ELMO1: variants seen among roughly 807,000 people sequenced by gnomAD.
ELMO1 encodes engulfment and cell motility protein 1.
Under a neutral mutation model 98.9 loss-of-function variants are expected in ELMO1, and 26 were observed. That is an observed-to-expected ratio of 0.26 (90% confidence interval 0.19 to 0.36). The LOEUF is 0.36. ELMO1 is among the 10% of genes least tolerant of loss of function. ELMO1 has a pLI of 1.00. For missense variants in ELMO1, 627 were observed against 935.2 expected, an observed-to-expected ratio of 0.67 and a Z score of 4.30; for synonymous variants, 346 against 346.0, an observed-to-expected ratio of 1.00 and a Z score of 0.00.
intron 1 of ELMO1, among the ~76,000 whole-genome samples, chr7:37,441,949 A>G (rs991009558): frequency 6.6e-6 from 1 of 152,316 alleles, no homozygotes; most frequent in Non-Finnish European, 1.5e-5. Context: ...TAAGGAGAAA[A>G]CTGGGGCACT....
intron 1 of ELMO1, among the ~76,000 whole-genome samples, chr7:37,387,568 G>A (rs1802860451): frequency 6.6e-6 from 1 of 152,114 alleles, no homozygotes; most frequent in South Asian, 2.1e-4. Flanking sequence ...CATTCTAAGG[G>A]CCTGGGGGGT....
chr7:37,424,567 G>T (rs1183816994), intron 1 of ELMO1, among the ~76,000 whole-genome samples: 1 of 152,166 alleles, frequency 6.6e-6, no homozygotes, highest in Non-Finnish European at 1.5e-5. Context: ...AGGCCTTAGA[G>T]ATTCTGGCAC....
chr7:36,961,947 A>T (rs1788987893), intron 16 of ELMO1, among the ~76,000 whole-genome samples: 1 of 152,264 alleles, frequency 6.6e-6, no homozygotes, highest in Non-Finnish European at 1.5e-5. Flanking sequence ...ACTCAGCAAG[A>T]AAAGCCTTCA....
At chr7:37,290,364 C>T (rs1266967227) in intron 4 of ELMO1, among the ~76,000 whole-genome samples, 3 of 152,126 alleles carry the variant, frequency 2.0e-5, no homozygotes, top group African/African-American at 7.2e-5. Context: ...CCAGGGTGTA[C>T]ACTAGTCATA....
chr7:36,924,761 G>T (rs11976151), intron 16 of ELMO1, among the ~76,000 whole-genome samples: 1 of 152,074 alleles, frequency 6.6e-6, no homozygotes, highest in Admixed American at 6.5e-5. Flanking sequence ...CCCCCATGGT[G>T]GGGGGTGGCA....
rs368334745 is a variant in ELMO1 at position 36,933,247 on chromosome 7, T to C, written c.1438-38230A>G. ...CTTGCTTAGATAGGACTCTTCACAATGTAGCTAAAACAATACAGGAACAGA... is the reference window on the plus strand; with the variant it reads ...CTTGCTTAGATAGGACTCTTCACAACGTAGCTAAAACAATACAGGAACAGA... On this transcript the variant is annotated intron_variant, in intron 16 of 21. Coordinates refer to ENST00000310758, the MANE Select transcript of ELMO1 (RefSeq NM_014800.11). 5.6e-4 allele frequency among the ~76,000 whole-genome samples: 85 copies of C among 152,282 alleles called. No homozygotes were observed. In the South Asian group the frequency reaches 0.017, roughly 30 times the overall value.
At chr7:36,885,792 C>A (rs1026367531) in intron 18 of ELMO1, among the ~76,000 whole-genome samples, 1 of 152,298 alleles carries the variant, frequency 6.6e-6, no homozygotes, top group Non-Finnish European at 1.5e-5. Flanking sequence ...ATTTAAAGAA[C>A]TGAGAAGCCT....
At chr7:36,915,566 G>C (rs893487723) in intron 16 of ELMO1, among the ~76,000 whole-genome samples, 25 of 152,192 alleles carry the variant, frequency 1.6e-4, no homozygotes, top group African/African-American at 4.8e-4. Flanking sequence ...TTGAAGTACA[G>C]AAAGAATTCA....
intron 15 of ELMO1, among the ~76,000 whole-genome samples, chr7:37,025,936 T>TCTATCTATCTATCTATCTA (rs1554395451): frequency 1.3e-4 from 19 of 148,284 alleles, no homozygotes; most frequent in African/African-American, 4.5e-4. Context: ...TATCTATCTA[T>TCTATCTATCTATCTATCTA]TTTTTTCTAT....
At chr7:37,339,270 C>G (rs1483223824) in intron 2 of ELMO1, among the ~76,000 whole-genome samples, 2 of 152,198 alleles carry the variant, frequency 1.3e-5, no homozygotes, top group African/African-American at 4.8e-5. Flanking sequence ...GCATTTTGCA[C>G]AAGCTGGTAT....
chr7:37,210,271 T>A (rs1792879418), intron 13 of ELMO1, among the ~76,000 whole-genome samples: 1 of 152,138 alleles, frequency 6.6e-6, no homozygotes, highest in Non-Finnish European at 1.5e-5. Context: ...AATTATAGAC[T>A]TATGGTAATT....
intron 11 of ELMO1, 131 bp from the exon 12 acceptor site, chr7:37,213,588 A>G (rs959635138): frequency 2.0e-5 from 15 of 767,588 alleles, no homozygotes; most frequent in Non-Finnish European, 2.9e-5. Flanking sequence ...GTGAGGGCAC[A>G]GGGAATTTCA....
intron 10 of ELMO1, among the ~76,000 whole-genome samples, chr7:37,221,059 C>T (rs557634915): frequency 2.6e-5 from 4 of 152,240 alleles, no homozygotes; most frequent in East Asian, 3.9e-4. Flanking sequence ...GCAGCCCTAT[C>T]GATGATTTCA....
chr7:36,894,227 G>A (rs1172714197), intron 17 of ELMO1, among the ~76,000 whole-genome samples: 6 of 152,192 alleles, frequency 3.9e-5, no homozygotes, highest in South Asian at 2.1e-4. Context: ...TCAAAGATTG[G>A]AATACATGAC....
rs931647399 is a variant in ELMO1 at position 37,257,036 on chromosome 7, C to A, written c.413+2145G>T. 3.9e-5 allele frequency among the ~76,000 whole-genome samples: 6 copies of A among 152,220 alleles called. No homozygotes were observed. The East Asian group carries it at 5.8e-4, about 15-fold the overall frequency. On this transcript the variant is annotated intron_variant, in intron 6 of 21. Coordinates refer to ENST00000310758, the MANE Select transcript of ELMO1 (RefSeq NM_014800.11). ...AATTTCACATGCTTTAAATTGTATG[C>A]TCTACTAGTCTCTGCCAATAGCACC... is the stretch of plus-strand genomic sequence containing the variant.
At chr7:37,432,769 T>C (rs1481605118) in intron 1 of ELMO1, among the ~76,000 whole-genome samples, 1 of 152,166 alleles carries the variant, frequency 6.6e-6, no homozygotes, top group Non-Finnish European at 1.5e-5. Context: ...AAACAGACGC[T>C]TCAAATTCAA....
At chr7:36,922,357 A>AC (rs972610886) in intron 16 of ELMO1, among the ~76,000 whole-genome samples, 14 of 151,464 alleles carry the variant, frequency 9.2e-5, no homozygotes, top group Non-Finnish European at 1.8e-4. Context: ...CAAAAAAAAA[A>AC]AAAAAAAAAA....
intron 6 of ELMO1, among the ~76,000 whole-genome samples, chr7:37,253,720 T>TAAAAAAAAAA (rs36042026): frequency 8.5e-6 from 1 of 117,882 alleles, no homozygotes; most frequent in Admixed American, 8.4e-5. Context: ...GAACTTAAAG[T>TAAAAAAAAAA]AAAAAAAAAA....
chr7:37,375,550 C>T, intron 1 of ELMO1: 5 of 1,056,996 alleles, frequency 4.7e-6, no homozygotes, highest in South Asian at 3.9e-5. Flanking sequence ...AACCAGATTG[C>T]CATTTATAAA....
Sources: allele counts gnomAD v4.1 joint callset (sites outside exome capture counted in the v4.1 genomes callset), GRCh38; gene constraint gnomAD v4.1.1; transcripts MANE v1.5; gene names NCBI Gene and HGNC (gene_info 2026-07-23, HGNC 2026-07-21).